Variants in GYPB observed in about 807,000 individuals in gnomAD.
GYPB encodes the protein glycophorin-B.
Under a neutral mutation model 15.3 loss-of-function variants are expected in GYPB, and 13 were observed. The observed-to-expected ratio is 0.85, with a 90% CI of 0.55 to 1.35. The LOEUF (loss-of-function observed/expected upper bound fraction) is 1.35, where lower values mean the gene tolerates loss of function less well. Among genes scored for constraint, GYPB ranks in the 40% most tolerant of loss-of-function variants. GYPB has a pLI of 0.00. For synonymous variants in GYPB, 38 were observed against 36.9 expected (o/e 1.03, Z -0.11); for missense variants, 131 against 108.3 (o/e 1.21, Z -0.93).
intron 1 of GYPB, among the ~76,000 whole-genome samples, chr4:144,004,618 C>A (rs1727800922): frequency 6.7e-6 from 1 of 148,992 alleles, no homozygotes; most frequent in African/African-American, 2.5e-5. Context: ...AAAAAAAACA[C>A]TTATCTGGAA....
intron 1 of GYPB, among the ~76,000 whole-genome samples, chr4:144,015,712 G>T (rs993561659): frequency 2.6e-5 from 4 of 151,318 alleles, no homozygotes; most frequent in African/African-American, 9.8e-5. Flanking sequence ...CACAGTGGGT[G>T]TCTGTTTCTT....
rs1207791418 is a variant in GYPB at position 144,014,952 on chromosome 4, T to C, written c.37+4299A>G. On this transcript the variant is annotated intron_variant, in intron 1 of 4. Transcript: ENST00000502664. The stretch of plus-strand genomic sequence containing the variant: ...TAGGGATGGAAATACCAAAGTTGAT[T>C]AAATAGCTGTTTATAGAACTTTGTA... Among the ~76,000 whole-genome samples the C allele has an allele frequency of 3.3e-5, 5 of 151,620 alleles. 1 individual carries two copies. The highest frequency in any genetic ancestry group is 7.3e-5 in the African/African-American group (3 of 40,910).
chr4:144,009,022 A>G (rs139667300), intron 1 of GYPB, among the ~76,000 whole-genome samples: 2,049 of 151,614 alleles, frequency 0.014, 161 homozygotes, highest in African/African-American at 0.048. Context: ...TAGCCTGAAC[A>G]ACTTTAGAAA....
At chr4:143,999,021 C>A (rs761537800) in intron 3 of GYPB, among the ~76,000 whole-genome samples, 1 of 151,120 alleles carries the variant, frequency 6.6e-6, no homozygotes, top group Non-Finnish European at 1.5e-5. Context: ...ATCCTCCCAC[C>A]TCAGCCAGCC....
At chr4:144,002,954 C>A (rs1727704455) in intron 1 of GYPB, among the ~76,000 whole-genome samples, 1 of 151,120 alleles carries the variant, frequency 6.6e-6, no homozygotes, top group Non-Finnish European at 1.5e-5. Context: ...CATATGAATT[C>A]TCCAAATAGC....
At position 144,007,995 on chromosome 4, in the gene GYPB, C is replaced by T. The variant is rs1178560792; in HGVS notation, c.38-6712G>A. Among the ~76,000 whole-genome samples the T allele has an allele frequency of 7.9e-5, 12 of 151,396 alleles. 1 individual carries two copies. The highest frequency in any genetic ancestry group is 1.5e-4 in the Non-Finnish European group (10 of 68,040). On this transcript the variant is annotated intron_variant, in intron 1 of 4. Transcript: ENST00000502664. ...TCATGAATCATGGAAATCTGTATGT[C>T]TAAGATAATAATATTTGTAGTTAAC...
intron 2 of GYPB, 51 bp from the exon 3 acceptor site, chr4:143,999,500 GA>G (rs879477940): frequency 3.1e-6 from 3 of 963,184 alleles, no homozygotes; most frequent in South Asian, 2.8e-5. Flanking sequence ...CATGTGCAAA[GA>G]AAAAAATCAT....
chr4:144,005,869 AG>A (rs1255777268), intron 1 of GYPB, among the ~76,000 whole-genome samples: 1 of 151,530 alleles, frequency 6.6e-6, no homozygotes, highest in African/African-American at 2.5e-5. Context: ...GCAGAGTTTT[AG>A]GTGAAGATGC....
At chr4:144,015,941 G>A (rs1728471260) in intron 1 of GYPB, among the ~76,000 whole-genome samples, 1 of 150,950 alleles carries the variant, frequency 6.6e-6, no homozygotes, top group Admixed American at 6.6e-5. Context: ...ACAAAATTCT[G>A]GTCATTTGTC....
intron 1 of GYPB, among the ~76,000 whole-genome samples, chr4:144,016,600 C>T (rs1429762708): frequency 6.6e-6 from 1 of 151,154 alleles, no homozygotes; most frequent in Non-Finnish European, 1.5e-5. Flanking sequence ...TTGTTTCCTC[C>T]CATTAAATTA....
At chr4:144,011,987 G>T (rs904841630) in intron 1 of GYPB, among the ~76,000 whole-genome samples, 3 of 152,084 alleles carry the variant, frequency 2.0e-5, no homozygotes, top group Admixed American at 6.5e-5. Context: ...CTTCTATTTT[G>T]GTTTTTAAAA....
At chr4:144,009,930 G>C (rs1467462639) in intron 1 of GYPB, among the ~76,000 whole-genome samples, 1 of 144,092 alleles carries the variant, frequency 6.9e-6, no homozygotes, top group African/African-American at 2.5e-5. Context: ...ATTTTTTTAA[G>C]CACTTAAAAA....
chr4:144,008,926 TC>T (rs1329675041), intron 1 of GYPB, among the ~76,000 whole-genome samples: 1 of 151,402 alleles, frequency 6.6e-6, no homozygotes, highest in East Asian at 1.9e-4. Flanking sequence ...AACTTCATCT[TC>T]CTGAGTTTCG....
chr4:143,997,306 T>G (rs1270221289), intron 4 of GYPB: 2 of 384,154 alleles, frequency 5.2e-6, no homozygotes, highest in South Asian at 3.3e-5. Context: ...CTTAGGGAGA[T>G]CTTTCATTGG....
chr4:144,018,014 A>G (rs1314770282), intron 1 of GYPB, among the ~76,000 whole-genome samples: 2 of 151,294 alleles, frequency 1.3e-5, no homozygotes, highest in Non-Finnish European at 2.9e-5. Context: ...ATAATTATTG[A>G]TAGCTACTAA....
At chr4:143,997,709 T>G in intron 3 of GYPB, 75 bp from the exon 4 acceptor site, 1 of 789,750 alleles carries the variant, frequency 1.3e-6, no homozygotes, top group African/African-American at 1.7e-5. Flanking sequence ...ACAGATAACA[T>G]CAGCATAACA....
At chr4:144,006,480 C>T (rs1289047208) in intron 1 of GYPB, among the ~76,000 whole-genome samples, 1 of 151,982 alleles carries the variant, frequency 6.6e-6, no homozygotes, top group Non-Finnish European at 1.5e-5. Flanking sequence ...CCAGACCACT[C>T]AGCTTTCCCA....
rs1560715851 is a variant in GYPB, at chr4:144,014,742, A to G, written c.37+4509T>C. On this transcript the variant is annotated intron_variant, in intron 1 of 4. Coordinates refer to ENST00000502664, the MANE Select transcript of GYPB (RefSeq NM_002100.6). ...ATTTTGAATGCATTAAATGCTACCA[A>G]TTGTACACTTTAAAATGGTTCAAAT... 2.6e-5 allele frequency among the ~76,000 whole-genome samples: 4 copies of G among 151,548 alleles called. No homozygotes were observed. In the South Asian group the frequency reaches 8.3e-4, roughly 31 times the overall value.
At chr4:144,016,586 C>G (rs149892817) in intron 1 of GYPB, among the ~76,000 whole-genome samples, 2,533 of 151,246 alleles carry the variant, frequency 0.017, 47 homozygotes, top group Non-Finnish European at 0.027. Flanking sequence ...TCATACCAGT[C>G]CCTTTGTTTC....
Sources: gnomAD v4.1 joint callset for allele counts (sites outside exome capture counted in the v4.1 genomes callset) on GRCh38, gnomAD v4.1.1 for gene constraint, MANE v1.5 for transcripts, NCBI Gene and HGNC (gene_info 2026-07-23, HGNC 2026-07-21) for gene names.